The following KDR variants were observed in gnomAD, a reference collection of about 807,000 sequenced individuals.
The protein encoded by KDR is vascular endothelial growth factor receptor 2.
In KDR, 43 loss-of-function variants were observed where a neutral mutation model predicts 160.9. The observed-to-expected ratio is 0.27, with a 90% confidence interval of 0.21 to 0.34. The LOEUF is 0.34. Among genes scored for constraint, KDR ranks in the 10% least tolerant of loss-of-function variants. The pLI, the probability that KDR is intolerant of heterozygous loss-of-function variation, is 1.00. For synonymous variants in KDR, 617 were observed against 600.1 expected (o/e 1.03, Z -0.41); for missense variants, 1,469 against 1,666.4 (o/e 0.88, Z 2.06).
intron 25 of KDR, 109 bp downstream of exon 25, chr4:55,089,265 C>G: frequency 1.3e-6 from 1 of 789,278 alleles, no homozygotes; most frequent in South Asian, 1.5e-5. Flanking sequence ...AAAGTAAAAG[C>G]AGGACACTAA....
chr4:55,113,981 ATG>A, intron 6 of KDR, 143 bp downstream of exon 6: 1 of 792,542 alleles, frequency 1.3e-6, no homozygotes, highest in Non-Finnish European at 2.2e-6. Flanking sequence ...GTGTGTGTGT[ATG>A]TGTGTGTGAG....
chr4:55,096,026 T>C (rs917671297), intron 19 of KDR, among the ~76,000 whole-genome samples: 1 of 152,216 alleles, frequency 6.6e-6, no homozygotes, highest in African/African-American at 2.4e-5. Flanking sequence ...CATAGTAGCA[T>C]GACATTTCTT....
At chr4:55,093,849 C>A (rs188892110) in intron 21 of KDR, among the ~76,000 whole-genome samples, 7 of 152,262 alleles carry the variant, frequency 4.6e-5, no homozygotes, top group Admixed American at 2.6e-4. Flanking sequence ...TGTCCTGGAG[C>A]CGGCTGAAGT....
chr4:55,087,670 G>A lies in KDR; in HGVS notation c.3599C>T (p.Ser1200Phe). 1 of 1,614,060 alleles carries A rather than the reference G, an allele frequency of 6.2e-7. No individual in the cohort carries two copies. Among genetic ancestry groups the A allele is most frequent in the Non-Finnish European group, 8.5e-7 (1 of 1,179,932 alleles). ...ACATACTTCCTCCTCCTCCATACAG[G>A]AAACAGGTGAGGTAGGCAGAGAGAG... The part of the protein sequence containing the change: ...SGLSLPTSPV[S>F]CMEEEEVCDP... Residue 1200 changes from serine (S) to phenylalanine (F), a missense_variant, in exon 27 of 30, where the codon TCC (serine) becomes TTC (phenylalanine). This residue lies in a region of KDR where 229 missense variants were observed against 197.8 expected (regional missense o/e 1.16). Transcript: ENST00000263923.
At chr4:55,112,925 C>T (rs1392467447) in intron 7 of KDR, among the ~76,000 whole-genome samples, 1 of 152,184 alleles carries the variant, frequency 6.6e-6, no homozygotes, top group Non-Finnish European at 1.5e-5. Flanking sequence ...CTGTATATTG[C>T]TAAATGTTTC....
intron 13 of KDR, 74 bp downstream of exon 13, chr4:55,104,569 C>A: frequency 8.8e-7 from 1 of 1,142,366 alleles, no homozygotes; most frequent in East Asian, 2.5e-5. Flanking sequence ...GTAATCTTTG[C>A]ATAGCACCTG....
At chr4:55,093,677 G>C (rs908307981) in intron 21 of KDR, among the ~76,000 whole-genome samples, 16 of 152,294 alleles carry the variant, frequency 1.1e-4, no homozygotes, top group African/African-American at 3.6e-4. Context: ...TAAGGAAAAG[G>C]AGTTAAATGC....
intron 1 of KDR, among the ~76,000 whole-genome samples, chr4:55,121,513 G>T (rs562822851): frequency 6.6e-6 from 1 of 152,300 alleles, no homozygotes; most frequent in Admixed American, 6.5e-5. Context: ...TTCATCTGAT[G>T]ATCTCACTCC....
chr4:55,119,894 C>T (rs1720824850), intron 2 of KDR, among the ~76,000 whole-genome samples: 1 of 152,158 alleles, frequency 6.6e-6, no homozygotes, highest in Admixed American at 6.5e-5. Context: ...ATTCAAAGAA[C>T]TTAAAATTTC....
intron 2 of KDR, 66 bp from the exon 3 acceptor site, chr4:55,118,866 A>C (rs1478521579): frequency 2.8e-6 from 4 of 1,420,848 alleles, no homozygotes; most frequent in Non-Finnish European, 4.0e-6. Context: ...TTCTAAGAAA[A>C]GAGAAAATTT....
At position 55,116,583 on chromosome 4, in the gene KDR, T is replaced by C. The variant is rs534883632; in HGVS notation, c.359-1172A>G. ...ATTTCACATTGCTATGCCCAACACATCCCATCAAGCATTCTCAGAGTGCTT... is the reference window on the plus strand; with the variant it reads ...ATTTCACATTGCTATGCCCAACACACCCCATCAAGCATTCTCAGAGTGCTT... On this transcript the variant is annotated intron_variant, in intron 3 of 29. Coordinates refer to ENST00000263923, the MANE Select transcript of KDR (RefSeq NM_002253.4). 1.4e-4 allele frequency among the ~76,000 whole-genome samples: 21 copies of C among 152,146 alleles called. No individual in the cohort carries two copies. In the South Asian group the frequency reaches 4.2e-3, roughly 30 times the overall value.
At chr4:55,105,585 G>A (rs1388592805) in intron 12 of KDR, among the ~76,000 whole-genome samples, 1 of 152,182 alleles carries the variant, frequency 6.6e-6, no homozygotes, top group East Asian at 1.9e-4. Flanking sequence ...ATACCACACA[G>A]AGCTTGTGGT....
intron 26 of KDR, among the ~76,000 whole-genome samples, chr4:55,088,145 C>T (rs547353811): frequency 2.0e-5 from 3 of 152,276 alleles, no homozygotes; most frequent in African/African-American, 7.2e-5. Context: ...TTAGCCACCA[C>T]ATTTCAAGGC....
At position 55,106,565 on chromosome 4, in the gene KDR, A is replaced by G; in HGVS notation, c.1536+122T>C. The G allele has an allele frequency of 3.8e-6, 3 of 782,654 alleles. No homozygotes were observed. The South Asian group carries it at 4.5e-5, about 12-fold the overall frequency. 48.5% of individuals were successfully genotyped at this position (782,654 alleles called of 1,614,324 possible). The stretch of plus-strand genomic sequence containing the variant: ...GTCAATGGTATTTTCAAAGTGACTT[A>G]ATACGCTCTATTTAATCATCCAGAC... On this transcript the variant is annotated intron_variant, in intron 11 of 29. Coordinates refer to ENST00000263923, the MANE Select transcript of KDR (RefSeq NM_002253.4).
chr4:55,111,006 T>C (rs1720569958), intron 7 of KDR, among the ~76,000 whole-genome samples: 1 of 152,108 alleles, frequency 6.6e-6, no homozygotes, highest in Admixed American at 6.6e-5. Context: ...CCCACAAGCC[T>C]AGTGATTGCT....
chr4:55,091,653 G>A (rs1489201038), intron 22 of KDR, among the ~76,000 whole-genome samples: 1 of 152,058 alleles, frequency 6.6e-6, no homozygotes, highest in African/African-American at 2.4e-5. Context: ...GCTATGAGAA[G>A]GGGAAAACAT....
At chr4:55,119,206 C>CA (rs111434117) in intron 2 of KDR, among the ~76,000 whole-genome samples, 26,204 of 130,270 alleles carry the variant, frequency 0.2, 2,998 homozygotes, top group East Asian at 0.49. Flanking sequence ...AACCCTGCCT[C>CA]AAAAAAAAAA....
At chr4:55,090,321 T>C (rs1719977746) in intron 22 of KDR, among the ~76,000 whole-genome samples, 2 of 152,236 alleles carry the variant, frequency 1.3e-5, no homozygotes, top group Admixed American at 1.3e-4. Flanking sequence ...AATATGATGA[T>C]GGAATCATAA....
chr4:55,117,683 A>G (rs1015198117), intron 3 of KDR, among the ~76,000 whole-genome samples: 5 of 152,240 alleles, frequency 3.3e-5, no homozygotes, highest in African/African-American at 1.2e-4. Flanking sequence ...AGTCTAAGTC[A>G]TCTTCACCTG....
Sources: gnomAD v4.1 joint callset for allele counts (sites outside exome capture counted in the v4.1 genomes callset) on GRCh38, gnomAD v4.1.1 for gene constraint, gnomAD v4.1.1 regional missense constraint, MANE v1.5 for transcripts, NCBI Gene and HGNC (gene_info 2026-07-23, HGNC 2026-07-21) for gene names.